Variants in SPTY2D1 observed in about 807,000 individuals in gnomAD.
SPTY2D1 encodes the protein protein SPT2 homolog.
Under a neutral mutation model 64.0 loss-of-function variants are expected in SPTY2D1, and 21 were observed. The observed-to-expected ratio is 0.33, with a 90% CI of 0.23 to 0.47. The LOEUF (loss-of-function observed/expected upper bound fraction) is 0.47. SPTY2D1 is among the 20% of genes least tolerant of loss of function. SPTY2D1 has a pLI of 1.00. For missense variants in SPTY2D1, 724 were observed against 837.2 expected, an observed-to-expected ratio of 0.86 and a Z score of 1.67; for synonymous variants, 287 against 286.8, an observed-to-expected ratio of 1.00 and a Z score of -0.01.
At chr11:18,623,997 G>A (rs191192728) in intron 1 of SPTY2D1, among the ~76,000 whole-genome samples, 1 of 152,232 alleles carries the variant, frequency 6.6e-6, no homozygotes, top group African/African-American at 2.4e-5. Flanking sequence ...GAATAATGCT[G>A]CTGTGAACAT....
rs1418406230 is a variant in SPTY2D1, at chr11:18,615,697, C to G, written c.577G>C (p.Glu193Gln). 6.2e-7 allele frequency: 1 copy of G among 1,613,988 alleles called. No individual in the cohort carries two copies. The highest frequency in any genetic ancestry group is 8.5e-7 in the Non-Finnish European group (1 of 1,180,038). The change falls in exon 3 of 6, where the codon GAA (glutamate) becomes CAA (glutamine). Residue 193 changes from glutamate to glutamine, a missense_variant. Physicochemically the swap from Glu to Gln is conservative, Grantham distance 29. Coordinates refer to ENST00000336349, the MANE Select transcript of SPTY2D1 (RefSeq NM_194285.3). Reference protein sequence around the residue: ...PVEIKVVKKSEERPMTAEELR... With the variant: ...PVEIKVVKKSQERPMTAEELR... ...TCTTCTGCGGTCATAGGTCGCTCTTCTGATTTCTTCACTACCTTGATTTCC... is the reference window on the plus strand; with the variant it reads ...TCTTCTGCGGTCATAGGTCGCTCTTGTGATTTCTTCACTACCTTGATTTCC...
At chr11:18,628,020 C>T (rs1854527063) in intron 1 of SPTY2D1, among the ~76,000 whole-genome samples, 1 of 152,182 alleles carries the variant, frequency 6.6e-6, no homozygotes, top group South Asian at 2.1e-4. Context: ...TGGACTCCAG[C>T]CCAGGCGACA....
In SPTY2D1 at chr11:18,614,793, C is replaced by G. The variant is rs778562453; in HGVS notation, c.1481G>C (p.Arg494Thr). Residue 494 changes from arginine (R) to threonine (T), a missense_variant, in exon 3 of 6, where the codon AGA becomes ACA. Arg to Thr is a moderately conservative substitution (Grantham distance 71). Transcript: ENST00000336349. ...PPGRSVSGPG[R>T]SISGSIPAGR... ...AGCTGGAATTGAGCCACTTATGGAT[C>G]TCCCAGGGCCACTGACAGACCGCCC... 19 of 1,612,550 alleles carry G rather than the reference C, an allele frequency of 1.2e-5. No homozygotes were observed. In the South Asian group the frequency reaches 2.1e-4, roughly 18 times the overall value.
At position 18,620,656 on chromosome 11, in the gene SPTY2D1, G is replaced by A. The variant is rs190944124; in HGVS notation, c.61-3667C>T. On this transcript the variant is annotated intron_variant, in intron 1 of 5. Coordinates refer to ENST00000336349, the MANE Select transcript of SPTY2D1 (RefSeq NM_194285.3). ...AATCCCAGCACTTTGGGAGGCCAAG[G>A]CGGGCGGATCATGAGGTCAGGAGAT... 5.2e-3 allele frequency among the ~76,000 whole-genome samples: 784 copies of A among 152,076 alleles called. 6 individuals carry two copies. The highest frequency in any genetic ancestry group is 0.018 in the African/African-American group (758 of 41,500).
chr11:18,627,655 G>A (rs1386210611), intron 1 of SPTY2D1, among the ~76,000 whole-genome samples: 2 of 152,078 alleles, frequency 1.3e-5, no homozygotes, highest in African/African-American at 4.8e-5. Flanking sequence ...GAGGGGGGTG[G>A]ATCATGAGGT....
chr11:18,623,047 A>G (rs924625773), intron 1 of SPTY2D1, among the ~76,000 whole-genome samples: 1 of 152,212 alleles, frequency 6.6e-6, no homozygotes, highest in Non-Finnish European at 1.5e-5. Flanking sequence ...CTCAAAGTTG[A>G]CCAGAAGCCT....
In SPTY2D1 at chr11:18,606,790, A is replaced by G. The variant is rs1854114889; in HGVS notation, c.*3071T>C. ...TTACCAATAGCTGCTTTTAAGTTAC[A>G]AAATACAAAACAACAATTTATTTCT... On this transcript the variant is annotated 3_prime_UTR_variant, in exon 6 of 6. Coordinates refer to ENST00000336349, the MANE Select transcript of SPTY2D1 (RefSeq NM_194285.3). 2.6e-6 allele frequency: 1 copy of G among 388,326 alleles called. No individual in the cohort carries two copies. The highest frequency in any genetic ancestry group is 4.3e-5 in the Admixed American group (1 of 23,162). The allele number at this position is 388,326 out of a possible 1,614,324, so 24.1% of individuals were successfully genotyped here.
intron 1 of SPTY2D1, among the ~76,000 whole-genome samples, chr11:18,619,996 A>C (rs1483725065): frequency 6.6e-6 from 1 of 152,194 alleles, no homozygotes. Context: ...AAGAGATAGA[A>C]AGTGGGATAT....
intron 5 of SPTY2D1, among the ~76,000 whole-genome samples, chr11:18,610,979 A>T (rs927559184): frequency 6.6e-6 from 1 of 152,208 alleles, no homozygotes; most frequent in Non-Finnish European, 1.5e-5. Flanking sequence ...TTAAATGAGT[A>T]AAACAGTATA....
chr11:18,627,007 G>A (rs1194621390), intron 1 of SPTY2D1, among the ~76,000 whole-genome samples: 1 of 152,196 alleles, frequency 6.6e-6, no homozygotes, highest in Non-Finnish European at 1.5e-5. Flanking sequence ...TCAGCCCTGA[G>A]GAGGTTGACT....
chr11:18,632,345 T>C (rs1854601501), intron 1 of SPTY2D1, among the ~76,000 whole-genome samples: 2 of 151,800 alleles, frequency 1.3e-5, no homozygotes, highest in African/African-American at 4.8e-5. Flanking sequence ...TATGGCTATA[T>C]TATCTATTGA....
chr11:18,610,109 A>AT (rs1169695961), intron 5 of SPTY2D1, 155 bp from the exon 6 acceptor site: 13 of 543,020 alleles, frequency 2.4e-5, no homozygotes, highest in East Asian at 1.8e-4. Context: ...TAGCAGGGAT[A>AT]TTTTTTTACC....
rs71050618 is a variant in SPTY2D1 at position 18,622,101 on chromosome 11, A to AAAAAAAAAAAAAAAAAAAAC, written c.61-5113_61-5112insGTTTTTTTTTTTTTTTTTTT. Among the ~76,000 whole-genome samples, 42 of 81,390 alleles carry AAAAAAAAAAAAAAAAAAAAC rather than the reference A, an allele frequency of 5.2e-4. 9 individuals carry two copies. Among genetic ancestry groups the AAAAAAAAAAAAAAAAAAAAC allele is most frequent in the Non-Finnish European group, 7.5e-4 (26 of 34,834 alleles). 53.4% of individuals were successfully genotyped at this position (81,390 alleles called of 152,430 possible). A position where few individuals can be genotyped will look rare whatever the true frequency, so the allele number is the denominator to read the frequency against. On this transcript the variant is annotated intron_variant, in intron 1 of 5. Coordinates refer to ENST00000336349, the MANE Select transcript of SPTY2D1 (RefSeq NM_194285.3). ...GACCCTATCTCAAAAAAAAAAAAAA[A>AAAAAAAAAAAAAAAAAAAAC]AAACCAAAACCAAAACCAAAAAAAC... is the stretch of plus-strand genomic sequence containing the variant.
At chr11:18,627,705 C>A (rs978176031) in intron 1 of SPTY2D1, among the ~76,000 whole-genome samples, 4 of 151,976 alleles carry the variant, frequency 2.6e-5, no homozygotes, top group Non-Finnish European at 4.4e-5. Context: ...AGTGAAACCC[C>A]GTCTCTACTA....
Position 18,621,691 on chromosome 11 carries a change from A to C in SPTY2D1, c.61-4702T>G, listed in dbSNP as rs74664215. ...TTTTGTTGATCTTCAACAACTTAAA[A>C]AGCTAGCAGTAAGGCAAGGTCAGCA... On this transcript the variant is annotated intron_variant, in intron 1 of 5. Coordinates refer to ENST00000336349, the MANE Select transcript of SPTY2D1 (RefSeq NM_194285.3). Among the ~76,000 whole-genome samples, 672 of 152,290 alleles carry C rather than the reference A, an allele frequency of 4.4e-3. 6 individuals carry two copies. The highest frequency in any genetic ancestry group is 0.016 in the African/African-American group (645 of 41,540).
intron 1 of SPTY2D1, among the ~76,000 whole-genome samples, chr11:18,632,351 ATTG>A (rs1319618447): frequency 1.3e-5 from 2 of 151,384 alleles, no homozygotes; most frequent in Non-Finnish European, 3.0e-5. Context: ...TATATTATCT[ATTG>A]ATTTTTTTTT....
intron 5 of SPTY2D1, 88 bp from the exon 6 acceptor site, chr11:18,610,042 A>C: frequency 8.4e-7 from 1 of 1,197,322 alleles, no homozygotes; most frequent in Non-Finnish European, 1.2e-6. Context: ...CTGGGAGCTC[A>C]CATGGATTGT....
intron 1 of SPTY2D1, among the ~76,000 whole-genome samples, chr11:18,622,585 A>G (rs977681876): frequency 6.6e-6 from 1 of 152,096 alleles, no homozygotes; most frequent in Non-Finnish European, 1.5e-5. Context: ...TTTAATGTAT[A>G]CTATTAAATG....
chr11:18,621,535 T>A (rs1854405025), intron 1 of SPTY2D1, among the ~76,000 whole-genome samples: 1 of 152,120 alleles, frequency 6.6e-6, no homozygotes, highest in African/African-American at 2.4e-5. Flanking sequence ...AACTTCAAAT[T>A]CTGCCTTTTT....
Sources: allele counts gnomAD v4.1 joint callset (sites outside exome capture counted in the v4.1 genomes callset), GRCh38; gene constraint gnomAD v4.1.1; transcripts MANE v1.5; gene names NCBI Gene and HGNC (gene_info 2026-07-23, HGNC 2026-07-21).